The following PTPN14 variants were observed in gnomAD, a reference collection of about 807,000 sequenced individuals.
PTPN14 encodes protein tyrosine phosphatase non-receptor type 14, also known as tyrosine-protein phosphatase non-receptor type 14.
PTPN14 carries 53 observed loss-of-function variants against 126.8 expected under a neutral mutation model. The observed-to-expected ratio is 0.42, with a 90% CI of 0.34 to 0.53. The LOEUF is 0.53. Ranked by LOEUF, PTPN14 falls within the 20% of genes least tolerant of loss-of-function variation. PTPN14 has a pLI of 0.08. For synonymous variants in PTPN14, 630 were observed against 599.3 expected (o/e 1.05, Z -0.75); for missense variants, 1,257 against 1,552.9 (o/e 0.81, Z 3.20).
chr1:214,419,634 GT>G (rs139845008), intron 3 of PTPN14, among the ~76,000 whole-genome samples: 1,809 of 152,204 alleles, frequency 0.012, 34 homozygotes, highest in African/African-American at 0.039. Context: ...GACAGCATTG[GT>G]TTCTGGCTGA....
At chr1:214,431,935 C>T (rs1046260927) in intron 3 of PTPN14, among the ~76,000 whole-genome samples, 1 of 152,200 alleles carries the variant, frequency 6.6e-6, no homozygotes, top group Non-Finnish European at 1.5e-5. Context: ...AATCCTAGCA[C>T]TTTGGGAGGC....
chr1:214,502,686 T>C (rs1000711531), intron 1 of PTPN14, among the ~76,000 whole-genome samples: 8 of 152,072 alleles, frequency 5.3e-5, no homozygotes, highest in African/African-American at 1.7e-4. Context: ...ATTTAAACGT[T>C]ACGAAAAAAT....
intron 3 of PTPN14, among the ~76,000 whole-genome samples, chr1:214,427,955 T>C (rs1659705606): frequency 6.6e-6 from 1 of 152,142 alleles, no homozygotes; most frequent in Non-Finnish European, 1.5e-5. Flanking sequence ...ATCGTTGGGC[T>C]GACAGAAAAG....
chr1:214,432,853 C>G (rs1659825451), intron 3 of PTPN14, among the ~76,000 whole-genome samples: 1 of 152,158 alleles, frequency 6.6e-6, no homozygotes, highest in African/African-American at 2.4e-5. Context: ...TGGTGATGCT[C>G]TGATTCTTGA....
At position 214,421,067 on chromosome 1, in the gene PTPN14, A is replaced by C. The variant is rs79703804; in HGVS notation, c.345-6341T>G. On this transcript the variant is annotated intron_variant, in intron 3 of 18. Coordinates refer to ENST00000366956, the MANE Select transcript of PTPN14 (RefSeq NM_005401.5). ...TATGCTCCTCAGTATATAGCCACAC[A>C]AACTGAGAACACATGTTCACACCAA... Among the ~76,000 whole-genome samples, 462 of 152,360 alleles carry C rather than the reference A, an allele frequency of 3.0e-3. 11 individuals carry two copies. The East Asian group carries it at 0.053, about 18-fold the overall frequency.
chr1:214,393,817 T>C (rs755190898), intron 9 of PTPN14, 40 bp from the exon 10 acceptor site: 1 of 1,451,266 alleles, frequency 6.9e-7, no homozygotes, highest in East Asian at 2.3e-5. Flanking sequence ...AAACATTTGT[T>C]GAATTAGTTA....
intron 1 of PTPN14, chr1:214,530,221 A>G (rs541234426): frequency 2.0e-5 from 3 of 152,210 alleles, no homozygotes; most frequent in African/African-American, 7.2e-5. Context: ...AGTATTAGGG[A>G]GTGAACATGG....
At chr1:214,438,745 T>C (rs2102617849) in intron 3 of PTPN14, among the ~76,000 whole-genome samples, 1 of 152,342 alleles carries the variant, frequency 6.6e-6, no homozygotes, top group East Asian at 1.9e-4. Flanking sequence ...TTCTGGTTAG[T>C]GTGGGTCACA....
intron 1 of PTPN14, among the ~76,000 whole-genome samples, chr1:214,502,008 G>A (rs772973416): frequency 6.9e-5 from 10 of 144,610 alleles, no homozygotes; most frequent in Non-Finnish European, 8.9e-5. Context: ...GCAGTGAGCC[G>A]AGACTGTGCC....
chr1:214,395,233 A>C (rs1175157684), intron 8 of PTPN14, among the ~76,000 whole-genome samples: 1 of 152,208 alleles, frequency 6.6e-6, no homozygotes, highest in Non-Finnish European at 1.5e-5. Flanking sequence ...TGTGACTAGC[A>C]ATGAGGAAAA....
chr1:214,465,075 A>G (rs557553342), intron 1 of PTPN14, 118 bp from the exon 2 acceptor site: 151 of 382,578 alleles, frequency 3.9e-4, no homozygotes, highest in African/African-American at 2.8e-3. Flanking sequence ...ATCAACACTC[A>G]GGTTTGATAA....
rs115468567 is a variant in PTPN14 at position 214,401,566 on chromosome 1, T to C, written c.669+119A>G. The C allele has an allele frequency of 6.7e-4, 564 of 846,328 alleles. 1 individual carries two copies. In the African/African-American group the frequency reaches 8.9e-3, roughly 13 times the overall value. The allele number at this position is 846,328 out of a possible 1,614,324, so 52.4% of individuals were successfully genotyped here. A position where few individuals can be genotyped will look rare whatever the true frequency, so the allele number is the denominator to read the frequency against. On this transcript the variant is annotated intron_variant, in intron 7 of 18. Transcript: ENST00000366956. ...TCTATAATAAATTGGACTTGCCAACTAAGGCTGCATAGCAAAAAGAAGGCC... is the reference window on the plus strand; with the variant it reads ...TCTATAATAAATTGGACTTGCCAACCAAGGCTGCATAGCAAAAAGAAGGCC...
At chr1:214,509,441 G>C (rs965230006) in intron 1 of PTPN14, among the ~76,000 whole-genome samples, 15 of 152,210 alleles carry the variant, frequency 9.9e-5, no homozygotes, top group Admixed American at 6.5e-4. Context: ...AAGAGAGTTA[G>C]GGCTTAGCTC....
intron 1 of PTPN14, among the ~76,000 whole-genome samples, chr1:214,526,153 A>G (rs984787398): frequency 6.6e-6 from 1 of 151,668 alleles, no homozygotes; most frequent in South Asian, 2.1e-4. Flanking sequence ...TTTAGTAGAC[A>G]GGGGTTTTCA....
At chr1:214,471,747 TG>T (rs1660763952) in intron 1 of PTPN14, among the ~76,000 whole-genome samples, 2 of 152,334 alleles carry the variant, frequency 1.3e-5, no homozygotes, top group East Asian at 3.9e-4. Context: ...CACGGCTACC[TG>T]GTTATCCCAC....
At chr1:214,410,093 T>C (rs1235078906) in intron 5 of PTPN14, among the ~76,000 whole-genome samples, 1 of 152,110 alleles carries the variant, frequency 6.6e-6, no homozygotes, top group Non-Finnish European at 1.5e-5. Context: ...AATGTGTGGG[T>C]TGTCTCTTTA....
rs995468113 is a variant in PTPN14, at chr1:214,500,501, A to G, written c.-154-35544T>C. Among the ~76,000 whole-genome samples, 5 of 152,254 alleles carry G rather than the reference A, an allele frequency of 3.3e-5. No homozygotes were observed. In the East Asian group the frequency reaches 9.6e-4, roughly 29 times the overall value. On this transcript the variant is annotated intron_variant, in intron 1 of 18. Coordinates refer to ENST00000366956, the MANE Select transcript of PTPN14 (RefSeq NM_005401.5). ...AAGCCACCAACACCCTCCTCCTTCA[A>G]CTTGGTGAACTGACAGCTCTTTTAT... is the stretch of plus-strand genomic sequence containing the variant.
In PTPN14 at chr1:214,383,454, C is replaced by T. The variant is rs142432691; in HGVS notation, c.2401G>A (p.Gly801Arg). 324 of 1,614,148 alleles carry T rather than the reference C, an allele frequency of 2.0e-4. No individual in the cohort carries two copies. Among genetic ancestry groups the T allele is most frequent in the Non-Finnish European group, 2.0e-4 (240 of 1,180,064 alleles). Residue 801 changes from glycine to arginine, a missense_variant, in exon 13 of 19, where the codon GGG becomes AGG. Around this residue, in one of 3 missense-constraint regions of PTPN14, gnomAD observed 1,021 missense variants for 1,183.3 expected, o/e 0.86. Coordinates refer to ENST00000366956, the MANE Select transcript of PTPN14 (RefSeq NM_005401.5). The surrounding 1 kb of genome is among the most constrained non-coding windows in gnomAD (Gnocchi z 4.4). ...MSRTDPPAVN[G>R]ASLGPSISEP... is the part of the protein sequence containing the mutation. ...GAGATGGATGGGCCGAGAGAGGCCC[C>T]GTTGACAGCCGGCGGGTCAGTCCGA...
chr1:214,451,801 C>G lies in PTPN14; in HGVS notation c.344+4G>C, dbSNP rs1285293287. 2 of 1,613,446 alleles carry G rather than the reference C, an allele frequency of 1.2e-6. No individual in the cohort carries two copies. Among genetic ancestry groups the G allele is most frequent in the Non-Finnish European group, 1.7e-6 (2 of 1,179,784 alleles). On this transcript the variant is annotated splice_donor_region_variant and intron_variant, in intron 3 of 18. Transcript: ENST00000366956. ...TATGGCACACAGGGGGAAAATGCACCTACCTTGTGGCCTCTTGCTGAAGCC... is the reference window on the plus strand; with the variant it reads ...TATGGCACACAGGGGGAAAATGCACGTACCTTGTGGCCTCTTGCTGAAGCC...
Sources: gnomAD v4.1 joint callset for allele counts (sites outside exome capture counted in the v4.1 genomes callset) on GRCh38, gnomAD v4.1.1 for gene constraint, gnomAD v4.1.1 regional missense constraint, Gnocchi (gnomAD v3.1) non-coding constraint, MANE v1.5 for transcripts, NCBI Gene and HGNC (gene_info 2026-07-23, HGNC 2026-07-21) for gene names.